The following PPP2R5A variants were observed in gnomAD, a reference collection of about 807,000 sequenced individuals.
PPP2R5A encodes serine/threonine-protein phosphatase 2A 56 kDa regulatory subunit alpha isoform.
A neutral mutation model predicts 64.2 loss-of-function variants in PPP2R5A; 25 were observed. That is an observed-to-expected ratio of 0.39 (90% CI 0.28 to 0.54). The LOEUF (loss-of-function observed/expected upper bound fraction) is 0.54. Among genes scored for constraint, PPP2R5A ranks in the 20% least tolerant of loss-of-function variants. PPP2R5A has a pLI of 0.67. For missense variants in PPP2R5A, 425 were observed against 576.3 expected (o/e 0.74, Z 2.69); for synonymous variants, 198 against 201.2 (o/e 0.98, Z 0.13).
intron 1 of PPP2R5A, among the ~76,000 whole-genome samples, chr1:212,321,420 C>T (rs1659289528): frequency 6.6e-6 from 1 of 151,910 alleles, no homozygotes; most frequent in Non-Finnish European, 1.5e-5. Flanking sequence ...AGACGCTCCT[C>T]ACTTCCCAGA....
intron 1 of PPP2R5A, among the ~76,000 whole-genome samples, chr1:212,313,143 A>G (rs1056334011): frequency 1.3e-5 from 2 of 152,040 alleles, no homozygotes; most frequent in African/African-American, 4.8e-5. Context: ...CTCTCTGGAG[A>G]GCCCTAGCAG....
At chr1:212,333,443 G>C in intron 2 of PPP2R5A, 54 bp from the exon 3 acceptor site, 1 of 1,164,082 alleles carries the variant, frequency 8.6e-7, no homozygotes, top group African/African-American at 1.6e-5. Context: ...GTTTTGAATT[G>C]TCCAATTCAA....
chr1:212,290,879 T>A (rs1658589533), intron 1 of PPP2R5A, among the ~76,000 whole-genome samples: 1 of 152,208 alleles, frequency 6.6e-6, no homozygotes, highest in African/African-American at 2.4e-5. Context: ...CCTGCAAGAA[T>A]AACATTTTTC....
Position 212,356,648 on chromosome 1 carries a change from T to C in PPP2R5A, c.950T>C (p.Phe317Ser). The C allele has an allele frequency of 6.2e-7, 1 of 1,612,816 alleles. No homozygotes were observed. Among genetic ancestry groups the C allele is most frequent in the Non-Finnish European group, 8.5e-7 (1 of 1,179,580 alleles). The change falls in exon 9 of 13, where the codon TTT becomes TCT. Residue 317 changes from phenylalanine (F) to serine (S), a missense_variant. This residue lies in a region of PPP2R5A where 177 missense variants were observed against 244.8 expected (regional missense o/e 0.72). Transcript: ENST00000261461. ...TEPVIRGLLK[F>S]WPKTCSQKEV... is the part of the protein sequence containing the mutation. The stretch of plus-strand genomic sequence containing the variant: ...CAGGTGATCAGAGGACTGCTGAAAT[T>C]TTGGCCAAAAACCTGCAGTCAGAAA...
chr1:212,358,917 T>C (rs1223335031), intron 12 of PPP2R5A, 130 bp downstream of exon 12: 3 of 586,636 alleles, frequency 5.1e-6, no homozygotes, highest in South Asian at 2.6e-5. Flanking sequence ...ATAGTAAACA[T>C]TACAATGTGA....
chr1:212,359,648 G>T (rs1172954207), intron 12 of PPP2R5A, among the ~76,000 whole-genome samples: 1 of 152,128 alleles, frequency 6.6e-6, no homozygotes, highest in African/African-American at 2.4e-5. Flanking sequence ...CATATTACCT[G>T]TTCTGTTTAG....
chr1:212,336,237 T>C (rs1659592439), intron 3 of PPP2R5A, among the ~76,000 whole-genome samples: 1 of 152,166 alleles, frequency 6.6e-6, no homozygotes. Flanking sequence ...GCCTCAAGTC[T>C]CTTGAGTATC....
rs2102453008 is a variant in PPP2R5A, at chr1:212,360,725, T to C, written c.1416T>C (p.Ser472=). ...KLKKALEKQN[S]AYNMHSILSN... Reference sequence around the variant, plus strand: ...AGAAAGCTCTAGAAAAACAGAATAGTGCTTACAACATGCACAGTATTCTCA... The same window carrying C: ...AGAAAGCTCTAGAAAAACAGAATAGCGCTTACAACATGCACAGTATTCTCA... The change falls in exon 13 of 13, where the codon AGT becomes AGC. Residue 472 remains serine, a synonymous_variant. Coordinates refer to ENST00000261461, the MANE Select transcript of PPP2R5A (RefSeq NM_006243.4). The C allele has an allele frequency of 1.2e-6, 2 of 1,600,528 alleles. No individual in the cohort carries two copies. The highest frequency in any genetic ancestry group is 1.7e-6 in the Non-Finnish European group (2 of 1,175,086).
intron 1 of PPP2R5A, among the ~76,000 whole-genome samples, chr1:212,303,059 T>G (rs532777847): frequency 7.9e-5 from 12 of 152,280 alleles, no homozygotes; most frequent in Non-Finnish European, 1.6e-4. Context: ...AACATTTGTA[T>G]ACAAGTTTTT....
chr1:212,351,789 T>C (rs1361891582), intron 8 of PPP2R5A, among the ~76,000 whole-genome samples: 1 of 152,004 alleles, frequency 6.6e-6, no homozygotes, highest in African/African-American at 2.4e-5. Flanking sequence ...TAAGTTTCCA[T>C]GTAAAGAGGA....
chr1:212,293,625 T>C (rs944830048), intron 1 of PPP2R5A, among the ~76,000 whole-genome samples: 2 of 152,190 alleles, frequency 1.3e-5, no homozygotes, highest in African/African-American at 2.4e-5. Flanking sequence ...TGTGGGACTT[T>C]TAAGTAAGTA....
intron 8 of PPP2R5A, among the ~76,000 whole-genome samples, chr1:212,354,536 T>C (rs777720572): frequency 6.6e-6 from 1 of 150,556 alleles, no homozygotes; most frequent in Non-Finnish European, 1.5e-5. Flanking sequence ...AAATTAAAAT[T>C]AGCCAGATGT....
intron 1 of PPP2R5A, among the ~76,000 whole-genome samples, chr1:212,287,793 A>G (rs1011064304): frequency 1.3e-5 from 2 of 152,144 alleles, no homozygotes; most frequent in African/African-American, 4.8e-5. Context: ...TTAAAATATC[A>G]TAGTTTTTTT....
chr1:212,320,280 G>A (rs944641847), intron 1 of PPP2R5A, among the ~76,000 whole-genome samples: 9 of 152,142 alleles, frequency 5.9e-5, no homozygotes, highest in Admixed American at 2.6e-4. Flanking sequence ...ACAGATCAAC[G>A]GGATCCCAAG....
At position 212,350,022 on chromosome 1, in the gene PPP2R5A, T is replaced by C. The variant is rs138327530; in HGVS notation, c.927+780T>C. On this transcript the variant is annotated intron_variant, in intron 8 of 12. Transcript: ENST00000261461. ...AAGTGATTGCGGCTTTTGCCATTAC[T>C]TTTAATGGCAAAAACCACAATCACT... Among the ~76,000 whole-genome samples, 283 of 152,348 alleles carry C rather than the reference T, an allele frequency of 1.9e-3. 1 individual carries two copies. The highest frequency in any genetic ancestry group is 6.3e-3 in the African/African-American group (264 of 41,588).
At chr1:212,297,281 A>T (rs1181576486) in intron 1 of PPP2R5A, among the ~76,000 whole-genome samples, 2 of 149,484 alleles carry the variant, frequency 1.3e-5, no homozygotes, top group East Asian at 2.0e-4. Flanking sequence ...AATTTTTTTT[A>T]TTTTTTTTAT....
At chr1:212,337,056 G>A (rs1659603344) in intron 3 of PPP2R5A, among the ~76,000 whole-genome samples, 1 of 152,092 alleles carries the variant, frequency 6.6e-6, no homozygotes, top group African/African-American at 2.4e-5. Flanking sequence ...ATACTAATGA[G>A]CAATGGAATA....
At chr1:212,358,432 A>G (rs896431194) in intron 11 of PPP2R5A, 7 of 243,446 alleles carry the variant, frequency 2.9e-5, no homozygotes, top group Non-Finnish European at 4.7e-5. Flanking sequence ...GAAGATAACT[A>G]TAGTGAACAT....
chr1:212,329,100 G>T, intron 1 of PPP2R5A, 35 bp from the exon 2 acceptor site: 1 of 1,383,278 alleles, frequency 7.2e-7, no homozygotes, highest in Non-Finnish European at 9.6e-7. Context: ...TTCTGAGTAG[G>T]TTATTTCTAA....
Sources: gnomAD v4.1 joint callset for allele counts (sites outside exome capture counted in the v4.1 genomes callset) on GRCh38, gnomAD v4.1.1 for gene constraint, gnomAD v4.1.1 regional missense constraint, MANE v1.5 for transcripts, NCBI Gene and HGNC (gene_info 2026-07-23, HGNC 2026-07-21) for gene names.